The following DNAAF10 variants were observed in gnomAD, a reference collection of about 807,000 sequenced individuals.
DNAAF10 encodes the protein WD repeat domain 92.
DNAAF10 carries 28 observed loss-of-function variants against 43.7 expected under a neutral mutation model. The ratio of observed to expected loss-of-function variants is 0.64; its 90% confidence interval spans 0.48 to 0.88. The LOEUF (loss-of-function observed/expected upper bound fraction) is 0.88. Ranked by LOEUF, DNAAF10 falls within the 40% of genes least tolerant of loss-of-function variation. The probability of loss-of-function intolerance (pLI) is 0.00; values close to 1 mark genes in which losing one functional copy is unlikely to be tolerated. For missense variants in DNAAF10, 403 were observed against 439.1 expected (o/e 0.92, Z 0.73); for synonymous variants, 156 against 157.3 (o/e 0.99, Z 0.06).
At chr2:68,139,171 G>A (rs1020305449) in intron 4 of DNAAF10, among the ~76,000 whole-genome samples, 1 of 152,122 alleles carries the variant, frequency 6.6e-6, no homozygotes, top group East Asian at 1.9e-4. Context: ...TGGATCCCTC[G>A]TGAATGGCTC....
chr2:68,147,440 G>A, intron 2 of DNAAF10, 27 bp downstream of exon 2: 1 of 1,554,026 alleles, frequency 6.4e-7, no homozygotes, highest in Non-Finnish European at 8.9e-7. Context: ...TATCTCATCT[G>A]TCTGAATACT....
At chr2:68,144,744 A>C in intron 2 of DNAAF10, 29 bp from the exon 3 acceptor site, 1 of 1,593,240 alleles carries the variant, frequency 6.3e-7, no homozygotes, top group Non-Finnish European at 8.5e-7. Flanking sequence ...TTCTTACACC[A>C]CATATCCCAA....
chr2:68,155,889 G>A (rs1237813685), intron 1 of DNAAF10, among the ~76,000 whole-genome samples: 1 of 152,000 alleles, frequency 6.6e-6, no homozygotes, highest in Non-Finnish European at 1.5e-5. Flanking sequence ...TTGAGCCCAG[G>A]AGTTGGAGAC....
chr2:68,131,082 A>ATT lies in DNAAF10; in HGVS notation c.*154_*155dup. On this transcript the variant is annotated 3_prime_UTR_variant, in exon 8 of 8. Transcript: ENST00000295121. Reference sequence around the variant, plus strand: ...AGATGCCCGCCATGACACCCAGCAAATTTTTTTTTATATTTTTAGTAGAGA... The same window carrying ATT: ...AGATGCCCGCCATGACACCCAGCAAATTTTTTTTTTTATATTTTTAGTAGAGA... 3.1e-6 allele frequency: 2 copies of ATT among 637,742 alleles called. No homozygotes were observed. The highest frequency in any genetic ancestry group is 1.9e-5 in the African/African-American group (1 of 53,470). The allele number at this position is 637,742 out of a possible 1,614,324, so 39.5% of individuals were successfully genotyped here. A position where few individuals can be genotyped will look rare whatever the true frequency, so the allele number is the denominator to read the frequency against.
intron 2 of DNAAF10, among the ~76,000 whole-genome samples, chr2:68,145,360 G>T (rs1302002277): frequency 6.6e-6 from 1 of 152,050 alleles, no homozygotes; most frequent in African/African-American, 2.4e-5. Context: ...CCATTAGCTG[G>T]CCTTACTAAA....
chr2:68,133,801 C>T (rs1005637916), intron 7 of DNAAF10, among the ~76,000 whole-genome samples: 5 of 152,120 alleles, frequency 3.3e-5, no homozygotes, highest in African/African-American at 1.2e-4. Context: ...GGTATCCCTG[C>T]ACACAGTACT....
chr2:68,133,034 C>A (rs1006737168), intron 7 of DNAAF10, among the ~76,000 whole-genome samples: 6 of 152,272 alleles, frequency 3.9e-5, no homozygotes, highest in Admixed American at 3.9e-4. Context: ...GATGTGCCAC[C>A]ACATGGCTTC....
At position 68,144,703 on chromosome 2, in the gene DNAAF10, A is replaced by C; in HGVS notation, c.297T>G (p.Ala99=). ...GGNLHIWNLE[A]PEMPVYSVKG... ...TTACAGAATATACTGGCATCTCTGG[A>C]GCTTCTAAATTCCTAAACAACAAAC... Residue 99 remains alanine, a synonymous_variant, in exon 3 of 8, where the codon GCT becomes GCG. Transcript: ENST00000295121. The C allele has an allele frequency of 6.2e-7, 1 of 1,610,922 alleles. No individual in the cohort carries two copies. The highest frequency in any genetic ancestry group is 8.5e-7 in the Non-Finnish European group (1 of 1,179,348).
At chr2:68,138,960 G>C in intron 4 of DNAAF10, 103 bp from the exon 5 acceptor site, 1 of 815,992 alleles carries the variant, frequency 1.2e-6, no homozygotes, top group South Asian at 1.7e-5. Context: ...TATTAAATCA[G>C]ATCTTAAAAA....
intron 6 of DNAAF10, 148 bp downstream of exon 6, chr2:68,137,151 G>GA: frequency 1.2e-6 from 1 of 867,042 alleles, no homozygotes. Context: ...TCTTTGCACA[G>GA]AAAAACTTGT....
At chr2:68,136,051 GA>G (rs35740218) in intron 6 of DNAAF10, among the ~76,000 whole-genome samples, 30,013 of 144,866 alleles carry the variant, frequency 0.21, 3,278 homozygotes, top group Non-Finnish European at 0.25. Context: ...CTGACTCTAT[GA>G]AAAAAAAAAA....
intron 6 of DNAAF10, 56 bp downstream of exon 6, chr2:68,137,243 C>T (rs1202651275): frequency 6.6e-7 from 1 of 1,516,184 alleles, no homozygotes; most frequent in East Asian, 2.4e-5. Context: ...TTCTACTTAT[C>T]AGTCTAAACC....
chr2:68,145,644 A>G (rs1017378464), intron 2 of DNAAF10, among the ~76,000 whole-genome samples: 1 of 152,178 alleles, frequency 6.6e-6, no homozygotes, highest in African/African-American at 2.4e-5. Flanking sequence ...GTGTGTCATC[A>G]TACTGGTAAC....
chr2:68,144,571 A>C lies in DNAAF10; in HGVS notation c.415+14T>G, dbSNP rs748750308. On this transcript the variant is annotated intron_variant, in intron 3 of 7. Coordinates refer to ENST00000295121, the MANE Select transcript of DNAAF10 (RefSeq NM_138458.4). ...AAAATAAATAAACAAAATACATAGA[A>C]TACAGGGACTCACCATCTCGGCTGC... The C allele has an allele frequency of 2.5e-6, 4 of 1,613,372 alleles. No individual in the cohort carries two copies. The highest frequency in any genetic ancestry group is 2.5e-6 in the Non-Finnish European group (3 of 1,179,868).
chr2:68,148,666 A>C (rs1673382404), intron 1 of DNAAF10, among the ~76,000 whole-genome samples: 1 of 152,146 alleles, frequency 6.6e-6, no homozygotes, highest in African/African-American at 2.4e-5. Context: ...TATCTGTCCC[A>C]CATCACACTC....
Position 68,144,726 on chromosome 2 carries a change from AAC to A in DNAAF10, c.285-13_285-12del. ...GGAGCTTCTAAATTCCTAAACAACA[AAC>A]ACAGCTTCTTACACCACATATCCCA... On this transcript the variant is annotated splice_polypyrimidine_tract_variant and intron_variant, in intron 2 of 7. Coordinates refer to ENST00000295121, the MANE Select transcript of DNAAF10 (RefSeq NM_138458.4). 6.2e-7 allele frequency: 1 copy of A among 1,606,304 alleles called. No individual in the cohort carries two copies. Among genetic ancestry groups the A allele is most frequent in the Non-Finnish European group, 8.5e-7 (1 of 1,178,322 alleles).
Position 68,135,536 on chromosome 2 carries a change from G to GGA in DNAAF10, c.769-739_769-738dup, listed in dbSNP as rs140065394. Among the ~76,000 whole-genome samples, 14 of 152,076 alleles carry GGA rather than the reference G, an allele frequency of 9.2e-5. No individual in the cohort carries two copies. The South Asian group carries it at 1.0e-3, about 11-fold the overall frequency. On this transcript the variant is annotated intron_variant, in intron 6 of 7. Coordinates refer to ENST00000295121, the MANE Select transcript of DNAAF10 (RefSeq NM_138458.4). ...CACTGCATTAACTGGGGGGAACTTA[G>GGA]GAGAGAGAGAGAGACAGAGGGAGAG...
chr2:68,143,066 G>T (rs567754656), intron 3 of DNAAF10, among the ~76,000 whole-genome samples: 2 of 151,744 alleles, frequency 1.3e-5, no homozygotes, highest in African/African-American at 4.8e-5. Context: ...TTGTAAAGAT[G>T]GGGTCTCCCT....
chr2:68,143,041 G>A (rs1052041402), intron 3 of DNAAF10, among the ~76,000 whole-genome samples: 3 of 151,946 alleles, frequency 2.0e-5, no homozygotes, highest in African/African-American at 7.2e-5. Flanking sequence ...ACCATGCCTG[G>A]CTAATTTTTA....
Sources: allele counts gnomAD v4.1 joint callset (sites outside exome capture counted in the v4.1 genomes callset), GRCh38; gene constraint gnomAD v4.1.1; transcripts MANE v1.5; gene names NCBI Gene and HGNC (gene_info 2026-07-23, HGNC 2026-07-21).